RELN: variants seen among roughly 807,000 people sequenced by gnomAD.
The protein encoded by RELN is reelin.
Under a neutral mutation model 427.6 loss-of-function variants are expected in RELN, and 108 were observed. The ratio of observed to expected loss-of-function variants is 0.25; its 90% CI spans 0.22 to 0.30. The LOEUF (loss-of-function observed/expected upper bound fraction) is 0.30, where lower values mean the gene tolerates loss of function less well. Ranked by LOEUF, RELN falls within the 10% of genes least tolerant of loss-of-function variation. The probability of loss-of-function intolerance (pLI) is 1.00; values close to 1 mark genes in which losing one functional copy is unlikely to be tolerated. For synonymous variants in RELN, 1,524 were observed against 1,513.4 expected, an observed-to-expected ratio of 1.01 and a Z score of -0.16; for missense variants, 3,715 against 4,302.8, an observed-to-expected ratio of 0.86 and a Z score of 3.82.
intron 2 of RELN, among the ~76,000 whole-genome samples, chr7:103,835,135 A>C (rs112075122): frequency 0.01 from 1,546 of 152,368 alleles, 25 homozygotes; most frequent in African/African-American, 0.035. Context: ...ATCTATGAAG[A>C]CATGCAAAGA....
intron 2 of RELN, among the ~76,000 whole-genome samples, chr7:103,870,242 G>T (rs866141975): frequency 2.0e-5 from 3 of 152,110 alleles, no homozygotes; most frequent in Non-Finnish European, 4.4e-5. Flanking sequence ...GCCATCTCAG[G>T]ACTGGTTTCT....
intron 3 of RELN, among the ~76,000 whole-genome samples, chr7:103,832,869 G>C (rs1347316051): frequency 6.6e-6 from 1 of 151,906 alleles, no homozygotes; most frequent in African/African-American, 2.4e-5. Flanking sequence ...CTAAATCTGT[G>C]GTCTTCTTCC....
At position 103,989,280 on chromosome 7, in the gene RELN, G is replaced by A. The variant is rs144557847; in HGVS notation, c.77C>T (p.Ala26Val). The change falls in exon 1 of 65, where the codon GCG becomes GTG. Residue 26 changes from alanine to valine, a missense_variant. Physicochemically the swap from Ala to Val is moderately conservative, Grantham distance 64. This residue lies in a region of RELN where 2,208 missense variants were observed against 2,361.7 expected (regional missense o/e 0.93). Coordinates refer to ENST00000428762, the MANE Select transcript of RELN (RefSeq NM_005045.4). The surrounding 1 kb of genome is among the most constrained non-coding windows in gnomAD (Gnocchi z 4.9). ...CGAAAAGCGGGGGTAATAGCCAGCC[G>A]CCGCGCGCGCCCTCAGCGTCGCCCC... ...LLGATLRARAAAGYYPRFSPF... is the reference protein window; with the variant it reads ...LLGATLRARAVAGYYPRFSPF... The A allele has an allele frequency of 2.9e-4, 466 of 1,613,098 alleles. 1 individual carries two copies. The African/African-American group carries it at 5.4e-3, about 19-fold the overall frequency.
chr7:103,972,005 G>C lies in RELN; in HGVS notation c.226+17126C>G, dbSNP rs185300002. On this transcript the variant is annotated intron_variant, in intron 1 of 64. Coordinates refer to ENST00000428762, the MANE Select transcript of RELN (RefSeq NM_005045.4). ...GGAGAATCACTTGAACTCATGAGGT[G>C]GAGGTTGCAGTGAGCCAAGATCACG... Among the ~76,000 whole-genome samples the C allele has an allele frequency of 3.4e-3, 516 of 152,220 alleles. 9 individuals carry two copies. The highest frequency in any genetic ancestry group is 0.025 in the Admixed American group (385 of 15,288).
intron 2 of RELN, among the ~76,000 whole-genome samples, chr7:103,905,278 C>T (rs1795176243): frequency 6.6e-6 from 1 of 151,976 alleles, no homozygotes; most frequent in Non-Finnish European, 1.5e-5. Context: ...GCTTCCTGCC[C>T]TCTATTTTCT....
intron 51 of RELN, among the ~76,000 whole-genome samples, 185 bp from the exon 52 acceptor site, chr7:103,503,415 A>T (rs1212962974): frequency 2.0e-5 from 3 of 152,210 alleles, no homozygotes; most frequent in African/African-American, 7.2e-5. Context: ...CCCAGGTGAC[A>T]AATTATAGAA....
intron 7 of RELN, among the ~76,000 whole-genome samples, chr7:103,725,913 A>C (rs552554710): frequency 2.0e-5 from 3 of 152,286 alleles, no homozygotes; most frequent in African/African-American, 7.2e-5. Flanking sequence ...AAAAATGGAG[A>C]TCCTCCTTTT....
At chr7:103,476,294 T>C (rs895318545) in intron 64 of RELN, among the ~76,000 whole-genome samples, 9 of 152,020 alleles carry the variant, frequency 5.9e-5, no homozygotes, top group African/African-American at 1.9e-4. Context: ...AAACCCCATC[T>C]CTACTAAAAA....
intron 3 of RELN, among the ~76,000 whole-genome samples, chr7:103,777,557 T>C (rs1397780283): frequency 6.6e-6 from 1 of 152,210 alleles, no homozygotes; most frequent in East Asian, 1.9e-4. Context: ...GGCACTGTAC[T>C]AGCTCACGAC....
chr7:103,706,642 C>CT (rs111427985), intron 8 of RELN, among the ~76,000 whole-genome samples: 77 of 149,494 alleles, frequency 5.2e-4, no homozygotes, highest in African/African-American at 1.1e-3. Flanking sequence ...GTTTCTTTAT[C>CT]TTTTTTTTTT....
chr7:103,620,556 C>G lies in RELN; in HGVS notation c.2703-8753G>C, dbSNP rs918526146. Among the ~76,000 whole-genome samples, 3 of 151,340 alleles carry G rather than the reference C, an allele frequency of 2.0e-5. No individual in the cohort carries two copies. Among genetic ancestry groups the G allele is most frequent in the Non-Finnish European group, 4.4e-5 (3 of 67,946 alleles). Reference sequence around the variant, plus strand: ...TGGCACGATCTTGGCTCACTGCAGCCTCTGCCTCCTGGGTTCAAACGATTC... The same window carrying G: ...TGGCACGATCTTGGCTCACTGCAGCGTCTGCCTCCTGGGTTCAAACGATTC... On this transcript the variant is annotated intron_variant, in intron 20 of 64. Transcript: ENST00000428762. The surrounding 1 kb of genome is among the most constrained non-coding windows in gnomAD (Gnocchi z 4.1).
intron 4 of RELN, among the ~76,000 whole-genome samples, chr7:103,773,268 CCTGT>C (rs1472471323): frequency 1.0e-5 from 1 of 99,192 alleles, no homozygotes; most frequent in Non-Finnish European, 2.0e-5. Flanking sequence ...TCCCTCTCTC[CCTGT>C]CTCTCTCTCT....
chr7:103,874,712 AC>A (rs1337460426), intron 2 of RELN, among the ~76,000 whole-genome samples: 5 of 149,646 alleles, frequency 3.3e-5, no homozygotes, highest in Non-Finnish European at 5.9e-5. Context: ...AAAAGAGGAT[AC>A]AAACAAATAG....
At chr7:103,886,009 T>C (rs1223995260) in intron 2 of RELN, among the ~76,000 whole-genome samples, 1 of 152,144 alleles carries the variant, frequency 6.6e-6, no homozygotes, top group Non-Finnish European at 1.5e-5. Flanking sequence ...AGTTATATTA[T>C]TTGTAACGGT....
chr7:103,757,506 C>G (rs1476446), intron 4 of RELN, among the ~76,000 whole-genome samples: 51,924 of 152,010 alleles, frequency 0.34, 9,836 homozygotes, highest in Non-Finnish European at 0.43. Flanking sequence ...CGATTAAAAC[C>G]TAGCAACGAC....
intron 11 of RELN, among the ~76,000 whole-genome samples, chr7:103,677,563 C>G (rs558151633): frequency 1.3e-5 from 2 of 149,346 alleles, no homozygotes; most frequent in Admixed American, 1.3e-4. Flanking sequence ...GTCAGGAGTT[C>G]GAGACGAGCC....
intron 12 of RELN, among the ~76,000 whole-genome samples, chr7:103,660,072 T>C (rs1421323816): frequency 6.6e-6 from 1 of 152,148 alleles, no homozygotes; most frequent in Admixed American, 6.6e-5. Flanking sequence ...AAGACAATTA[T>C]ATAAAGGAAC....
intron 56 of RELN, 81 bp from the exon 57 acceptor site, chr7:103,495,979 A>AGGAAAATTGG: frequency 9.1e-6 from 13 of 1,425,436 alleles, no homozygotes; most frequent in African/African-American, 1.4e-5. Context: ...TATTCTCTTG[A>AGGAAAATTGG]ACTGACCGAT....
At position 103,603,398 on chromosome 7, in the gene RELN, T is replaced by G. The variant is rs772951615; in HGVS notation, c.3239A>C (p.Glu1080Ala). ...MSDFENQNGW[E>A]SDWQEVIGGE... ...CCCAATAACTTCTTGCCAGTCAGAC[T>G]CCCAGCCATTCTGGTTCTCAAAATC... Residue 1080 changes from glutamate to alanine, a missense_variant, in exon 24 of 65, where the codon GAG (glutamate) becomes GCG (alanine). By Grantham distance (107) the Glu-to-Ala change is moderately radical. This residue lies in a region of RELN where 2,208 missense variants were observed against 2,361.7 expected (regional missense o/e 0.93). Coordinates refer to ENST00000428762, the MANE Select transcript of RELN (RefSeq NM_005045.4). This position sits in a 1 kb window ranked among gnomAD's most constrained non-coding sequence, Gnocchi z 4.3. 1.9e-6 allele frequency: 3 copies of G among 1,613,722 alleles called. No individual in the cohort carries two copies.
Sources: allele counts gnomAD v4.1 joint callset (sites outside exome capture counted in the v4.1 genomes callset), GRCh38; gene constraint gnomAD v4.1.1; regional missense constraint gnomAD v4.1.1; non-coding constraint Gnocchi (gnomAD v3.1); transcripts MANE v1.5; gene names NCBI Gene and HGNC (gene_info 2026-07-23, HGNC 2026-07-21).